Variants in PDE1C observed in about 807,000 individuals in gnomAD.
PDE1C encodes phosphodiesterase 1C, also known as dual specificity calcium/calmodulin-dependent 3',5'-cyclic nucleotide phosphodiesterase 1C.
PDE1C carries 62 observed loss-of-function variants against 93.1 expected under a neutral mutation model. The ratio of observed to expected loss-of-function variants is 0.67; its 90% CI spans 0.54 to 0.82. The LOEUF (loss-of-function observed/expected upper bound fraction) is 0.82, where lower values mean the gene tolerates loss of function less well. PDE1C is among the 40% of genes least tolerant of loss of function. PDE1C has a pLI of 0.00. For missense variants in PDE1C, 742 were observed against 884.6 expected (o/e 0.84, Z 2.04); for synonymous variants, 325 against 310.1 (o/e 1.05, Z -0.50).
At chr7:32,266,701 C>T (rs964997473) in intron 1 of PDE1C, among the ~76,000 whole-genome samples, 2 of 152,116 alleles carry the variant, frequency 1.3e-5, no homozygotes, top group Non-Finnish European at 2.9e-5. Flanking sequence ...GTGCAGGCCT[C>T]TCTGAGGTTC....
chr7:32,071,370 T>C (rs1021546661), upstream of PDE1C: 35 of 985,486 alleles, frequency 3.6e-5, no homozygotes, highest in African/African-American at 1.0e-4. Context: ...TTTTGAAATA[T>C]TGAAGCGACT....
chr7:31,961,105 T>C (rs1808873749), intron 2 of PDE1C, among the ~76,000 whole-genome samples: 1 of 152,156 alleles, frequency 6.6e-6, no homozygotes, highest in Admixed American at 6.6e-5. Context: ...AATGAATTAA[T>C]TAAGTTTAAA....
chr7:32,160,066 A>C (rs1801814813), intron 3 of PDE1C, among the ~76,000 whole-genome samples: 1 of 152,148 alleles, frequency 6.6e-6, no homozygotes. Flanking sequence ...CAGGGCCTAA[A>C]GCACAGCCAC....
chr7:32,411,654 A>G (rs1414817844), intron 1 of PDE1C, among the ~76,000 whole-genome samples: 1 of 152,110 alleles, frequency 6.6e-6, no homozygotes, highest in African/African-American at 2.4e-5. Flanking sequence ...CTTCATAAAC[A>G]CTGTACACTT....
intron 9 of PDE1C, among the ~76,000 whole-genome samples, chr7:31,843,667 C>T (rs888666395): frequency 6.6e-6 from 1 of 151,662 alleles, no homozygotes; most frequent in African/African-American, 2.4e-5. Context: ...ATGTTTAGTC[C>T]TTTAACATTT....
At chr7:31,621,898 G>C in the PDE1C span, among the ~76,000 whole-genome samples, 1 of 151,650 alleles carries the variant, frequency 6.6e-6, no homozygotes, top group Admixed American at 6.6e-5. Context: ...CAAAATAAAA[G>C]GATGGAGGAA....
At chr7:32,280,417 C>G (rs1158837442) in intron 1 of PDE1C, among the ~76,000 whole-genome samples, 1 of 152,032 alleles carries the variant, frequency 6.6e-6, no homozygotes, top group Non-Finnish European at 1.5e-5. Flanking sequence ...TCAGGTCAAA[C>G]AGCCAAAAAA....
intron 1 of PDE1C, among the ~76,000 whole-genome samples, chr7:32,273,980 A>G (rs969988521): frequency 1.3e-5 from 2 of 152,172 alleles, no homozygotes; most frequent in Admixed American, 6.5e-5. Context: ...TGTCATTCTC[A>G]TTACAAAAGT....
intron 17 of PDE1C, among the ~76,000 whole-genome samples, chr7:31,757,738 G>T (rs181199244): frequency 6.6e-6 from 1 of 152,176 alleles, no homozygotes; most frequent in Non-Finnish European, 1.5e-5. Flanking sequence ...AGACAGTGTG[G>T]CAATTCCTCA....
At chr7:31,873,539 C>A (rs1458609092) in intron 5 of PDE1C, 131 bp from the exon 6 acceptor site, 11 of 627,048 alleles carry the variant, frequency 1.8e-5, no homozygotes, top group Non-Finnish European at 2.9e-5. Context: ...ACAGACTTTC[C>A]ACTCTCAAAC....
intron 1 of PDE1C, among the ~76,000 whole-genome samples, chr7:32,337,320 A>G (rs1314901108): frequency 6.6e-6 from 1 of 152,256 alleles, no homozygotes; most frequent in Admixed American, 6.5e-5. Flanking sequence ...TGTAGCCAGG[A>G]AGATAAACAA....
chr7:32,370,175 C>A (rs572964184), intron 1 of PDE1C, among the ~76,000 whole-genome samples: 20 of 152,104 alleles, frequency 1.3e-4, no homozygotes, highest in Non-Finnish European at 2.2e-4. Context: ...TTCTGCCGGG[C>A]GCAGTGGCTC....
intron 16 of PDE1C, among the ~76,000 whole-genome samples, chr7:31,777,047 C>T (rs2128632163): frequency 6.6e-6 from 1 of 150,590 alleles, no homozygotes; most frequent in East Asian, 2.0e-4. Flanking sequence ...TGTTAAATGA[C>T]CAGTTAATGG....
intron 1 of PDE1C, among the ~76,000 whole-genome samples, chr7:32,311,279 A>T (rs1008483752): frequency 2.6e-5 from 4 of 152,236 alleles, no homozygotes; most frequent in Admixed American, 6.5e-5. Flanking sequence ...CCAACCAAAA[A>T]AAAGTCCAGG....
intron 1 of PDE1C, among the ~76,000 whole-genome samples, chr7:32,270,083 G>T (rs1810861088): frequency 6.6e-6 from 1 of 151,818 alleles, no homozygotes; most frequent in Non-Finnish European, 1.5e-5. Context: ...TAAAAGTAGG[G>T]CACCCAATTG....
At chr7:32,144,950 G>T (rs1354658649) in intron 3 of PDE1C, among the ~76,000 whole-genome samples, 2 of 152,126 alleles carry the variant, frequency 1.3e-5, no homozygotes, top group East Asian at 3.9e-4. Context: ...AGTGAACCTT[G>T]CTGTAATTGG....
At chr7:31,983,607 C>T (rs890712061) in intron 2 of PDE1C, among the ~76,000 whole-genome samples, 1 of 150,950 alleles carries the variant, frequency 6.6e-6, no homozygotes, top group Admixed American at 6.7e-5. Flanking sequence ...AGAGCAAGAC[C>T]CTGCCTCTAA....
chr7:32,226,599 G>A (rs192736633), intron 1 of PDE1C, among the ~76,000 whole-genome samples: 2 of 152,322 alleles, frequency 1.3e-5, no homozygotes, highest in African/African-American at 2.4e-5. Context: ...AGAGACCCAC[G>A]TGTAGTGGGG....
chr7:31,666,798 T>A, the PDE1C span, among the ~76,000 whole-genome samples: 10 of 152,182 alleles, frequency 6.6e-5, no homozygotes, highest in Admixed American at 2.0e-4. Flanking sequence ...CCCCCCATTT[T>A]TTTTTGTCCT....
Sources: gnomAD v4.1 joint callset for allele counts (sites outside exome capture counted in the v4.1 genomes callset) on GRCh38, gnomAD v4.1.1 for gene constraint, MANE v1.5 for transcripts, NCBI Gene and HGNC (gene_info 2026-07-23, HGNC 2026-07-21) for gene names.